BRAF: variants seen among roughly 807,000 people sequenced by gnomAD.
The protein encoded by BRAF is serine/threonine-protein kinase B-raf.
Under a neutral mutation model 104.6 loss-of-function variants are expected in BRAF, and 16 were observed. The ratio of observed to expected loss-of-function variants is 0.15; its 90% CI spans 0.10 to 0.23. BRAF has a LOEUF of 0.23. Among genes scored for constraint, BRAF ranks in the 10% least tolerant of loss-of-function variants. BRAF has a pLI of 1.00. For missense variants in BRAF, 541 were observed against 937.3 expected (o/e 0.58, Z 5.52); for synonymous variants, 310 against 341.6 (o/e 0.91, Z 1.02).
Position 140,720,686 on chromosome 7 carries a change from G to A in BRAF, c.*5808C>T, listed in dbSNP as rs1388886579. 9.4e-7 allele frequency: 1 copy of A among 1,065,680 alleles called. No individual in the cohort carries two copies. The highest frequency in any genetic ancestry group is 1.6e-5 in the African/African-American group (1 of 61,030). The allele number at this position is 1,065,680 out of a possible 1,614,324, so 66.0% of individuals were successfully genotyped here. On this transcript the variant is annotated 3_prime_UTR_variant, in exon 20 of 20. Transcript: ENST00000644969. ...GCCACCTCACCCCATTTTGGTCTCT[G>A]TTCTCTACATCTGTGCCTACTCTGT...
intron 16 of BRAF, among the ~76,000 whole-genome samples, chr7:140,751,088 T>C (rs1797748603): frequency 6.6e-6 from 1 of 152,254 alleles, no homozygotes; most frequent in Admixed American, 6.5e-5. Flanking sequence ...GGTTTAACAA[T>C]AAAGGGTACT....
At chr7:140,883,649 G>C (rs893274323) in intron 1 of BRAF, among the ~76,000 whole-genome samples, 1 of 152,182 alleles carries the variant, frequency 6.6e-6, no homozygotes, top group African/African-American at 2.4e-5. Context: ...TCTGCCTTCT[G>C]ATAAACTGTT....
intron 3 of BRAF, among the ~76,000 whole-genome samples, chr7:140,814,512 A>C (rs1804615595): frequency 6.6e-6 from 1 of 151,830 alleles, no homozygotes; most frequent in Non-Finnish European, 1.5e-5. Context: ...TAAAAACACA[A>C]AAATTAGCCA....
intron 3 of BRAF, among the ~76,000 whole-genome samples, chr7:140,831,715 G>T (rs1185939255): frequency 2.0e-5 from 3 of 151,924 alleles, no homozygotes; most frequent in African/African-American, 7.3e-5. Flanking sequence ...AATTTTTTTT[G>T]AATTCAGAAT....
chr7:140,772,524 T>G (rs1016846135), intron 14 of BRAF, among the ~76,000 whole-genome samples: 14 of 151,892 alleles, frequency 9.2e-5, no homozygotes, highest in Non-Finnish European at 1.9e-4. Context: ...CTAGGGAGAC[T>G]GAGGTGGGAG....
At chr7:140,819,529 TAC>T (rs1805246888) in intron 3 of BRAF, among the ~76,000 whole-genome samples, 1 of 152,176 alleles carries the variant, frequency 6.6e-6, no homozygotes, top group South Asian at 2.1e-4. Context: ...AAACCTTGAA[TAC>T]GAATGTTCAC....
chr7:140,884,112 AC>A (rs1470405242), intron 1 of BRAF: 1 of 152,216 alleles, frequency 6.6e-6, no homozygotes. Context: ...TTGGAATAAT[AC>A]AGAGAAGATA....
At chr7:140,719,223 A>C, downstream of BRAF, 1 of 420,542 alleles carries the variant, frequency 2.4e-6, no homozygotes, top group Non-Finnish European at 3.2e-6. Context: ...ATTATGTATG[A>C]AACAAAATGT....
intron 1 of BRAF, among the ~76,000 whole-genome samples, chr7:140,860,847 T>G (rs1193091781): frequency 6.6e-6 from 1 of 152,228 alleles, no homozygotes; most frequent in African/African-American, 2.4e-5. Context: ...ATGTAGCTAC[T>G]TATATTCACA....
rs773271657 is a variant in BRAF at position 140,723,806 on chromosome 7, C to G, written c.*2688G>C. 2.9e-6 allele frequency: 3 copies of G among 1,047,160 alleles called. No homozygotes were observed. In the Admixed American group the frequency reaches 1.7e-4, roughly 58 times the overall value. 64.9% of individuals were successfully genotyped at this position (1,047,160 alleles called of 1,614,324 possible). A position where few individuals can be genotyped will look rare whatever the true frequency, so the allele number is the denominator to read the frequency against. On this transcript the variant is annotated 3_prime_UTR_variant, in exon 20 of 20. Transcript: ENST00000644969. ...GATCAGTGACGCAGCCACATACTGT[C>G]TATACAATTACTCATAAAGTGCTTT...
chr7:140,812,662 T>TAGGC (rs1249487449), intron 3 of BRAF, among the ~76,000 whole-genome samples: 4 of 152,224 alleles, frequency 2.6e-5, no homozygotes, highest in African/African-American at 9.6e-5. Context: ...ATACTATTTG[T>TAGGC]TCTTTCATGA....
At position 140,719,420 on chromosome 7, in the gene BRAF, G is replaced by C; in HGVS notation, c.*7074C>G. The C allele has an allele frequency of 9.9e-7, 1 of 1,006,282 alleles. No individual in the cohort carries two copies. Among genetic ancestry groups the C allele is most frequent in the Non-Finnish European group, 1.2e-6 (1 of 834,638 alleles). The allele number at this position is 1,006,282 out of a possible 1,614,324, so 62.3% of individuals were successfully genotyped here. On this transcript the variant is annotated 3_prime_UTR_variant, in exon 20 of 20. Transcript: ENST00000644969. Reference sequence around the variant, plus strand: ...CTTTTTTTGCCTTTTATATAATACAGTTTTTAAATAACTTTACACAGAAAT... The same window carrying C: ...CTTTTTTTGCCTTTTATATAATACACTTTTTAAATAACTTTACACAGAAAT...
intron 11 of BRAF, 130 bp from the exon 11 acceptor site, chr7:140,781,823 A>G (rs1248448559): frequency 9.4e-6 from 7 of 745,278 alleles, no homozygotes; most frequent in Non-Finnish European, 1.6e-5. Context: ...AATTCTCTGG[A>G]AGAATAGTAG....
chr7:140,857,521 G>T (rs1809932462), intron 1 of BRAF, among the ~76,000 whole-genome samples: 1 of 152,142 alleles, frequency 6.6e-6, no homozygotes, highest in South Asian at 2.1e-4. Context: ...GGAGAATCTA[G>T]AGACTAATAT....
chr7:140,902,436 C>A (rs185264896), intron 1 of BRAF, among the ~76,000 whole-genome samples: 37 of 152,262 alleles, frequency 2.4e-4, no homozygotes, highest in Admixed American at 2.1e-3. Flanking sequence ...CAATTAAAAA[C>A]CCTACAATGA....
intron 1 of BRAF, among the ~76,000 whole-genome samples, chr7:140,920,052 A>G (rs1319657672): frequency 6.6e-6 from 1 of 152,200 alleles, no homozygotes; most frequent in Non-Finnish European, 1.5e-5. Flanking sequence ...GTAAGTTAAA[A>G]TAGAGAAACA....
intron 1 of BRAF, among the ~76,000 whole-genome samples, chr7:140,887,880 ATTTT>A (rs543315481): frequency 7.1e-6 from 1 of 140,934 alleles, no homozygotes. Flanking sequence ...TGCTCGTTTA[ATTTT>A]TTTTTTTTTT....
intron 14 of BRAF, among the ~76,000 whole-genome samples, chr7:140,762,225 A>C (rs1250519140): frequency 6.6e-6 from 1 of 152,240 alleles, no homozygotes; most frequent in Admixed American, 6.5e-5. Context: ...AGAACTCAGG[A>C]TTAAGAAACT....
intron 19 of BRAF, chr7:140,733,192 A>T (rs1420561014): frequency 6.6e-6 from 1 of 152,220 alleles, no homozygotes; most frequent in Non-Finnish European, 1.5e-5. Flanking sequence ...GTATTCAAAT[A>T]AAGAAAATGT....
Sources: allele counts gnomAD v4.1 joint callset (sites outside exome capture counted in the v4.1 genomes callset), GRCh38; gene constraint gnomAD v4.1.1; transcripts MANE v1.5; gene names NCBI Gene and HGNC (gene_info 2026-07-23, HGNC 2026-07-21).